SETX: variants seen among roughly 807,000 people sequenced by gnomAD.
SETX encodes senataxin.
In SETX, 90 loss-of-function variants were observed where a neutral mutation model predicts 227.2. That is an observed-to-expected ratio of 0.40 (90% CI 0.33 to 0.47). The LOEUF (loss-of-function observed/expected upper bound fraction) is 0.47. SETX is among the 20% of genes least tolerant of loss of function. The pLI is 0.91. For synonymous variants in SETX, 1,210 were observed against 1,113.2 expected, an observed-to-expected ratio of 1.09 and a Z score of -1.73; for missense variants, 3,052 against 3,181.5, an observed-to-expected ratio of 0.96 and a Z score of 0.98.
rs138506476 is a variant in SETX at position 132,308,243 on chromosome 9, C to T, written c.5374+3514G>A. On this transcript the variant is annotated intron_variant, in intron 11 of 25. Transcript: ENST00000224140. The stretch of plus-strand genomic sequence containing the variant: ...TGCTGCTGATGGAACATACCACCAA[C>T]TATAAAATAGTTTTGCCAAAAACAA... Among the ~76,000 whole-genome samples the T allele has an allele frequency of 2.5e-3, 382 of 152,314 alleles. 9 individuals are homozygous for T. The highest frequency in any genetic ancestry group is 0.022 in the Admixed American group (333 of 15,298).
intron 7 of SETX, among the ~76,000 whole-genome samples, chr9:132,334,072 T>C (rs940832913): frequency 6.6e-6 from 1 of 152,142 alleles, no homozygotes; most frequent in African/African-American, 2.4e-5. Flanking sequence ...GTTCTGATGT[T>C]CATCCTACCA....
chr9:132,325,932 TAAAA>T (rs1305318477), intron 10 of SETX, among the ~76,000 whole-genome samples: 3 of 73,974 alleles, frequency 4.1e-5, no homozygotes, highest in African/African-American at 8.8e-5. Context: ...AAACTCCACC[TAAAA>T]AAAAAAAAAA....
chr9:132,351,128 G>T (rs902535793), intron 2 of SETX, among the ~76,000 whole-genome samples: 1 of 152,146 alleles, frequency 6.6e-6, no homozygotes, highest in African/African-American at 2.4e-5. Flanking sequence ...CACACTACTA[G>T]TAAGTTAACA....
chr9:132,283,172 A>AC lies in SETX; in HGVS notation c.6546+91dup, dbSNP rs2131211959. ...TGAAAATCAGATGCAAAAAAAAAAAACACATTTCCTCAACATTTCAGCAGC... is the reference window on the plus strand; with the variant it reads ...TGAAAATCAGATGCAAAAAAAAAAAACCACATTTCCTCAACATTTCAGCAGC... On this transcript the variant is annotated intron_variant, in intron 19 of 25. Coordinates refer to ENST00000224140, the MANE Select transcript of SETX (RefSeq NM_015046.7). The AC allele has an allele frequency of 2.0e-6, 3 of 1,529,202 alleles. No homozygotes were observed. The South Asian group carries it at 3.5e-5, about 18-fold the overall frequency. The allele number at this position is 1,529,202 out of a possible 1,614,324, so 94.7% of individuals were successfully genotyped here. A position where few individuals can be genotyped will look rare whatever the true frequency, so the allele number is the denominator to read the frequency against.
Position 132,269,804 on chromosome 9 carries a change from CAG to C in SETX, c.7200-104_7200-103del, listed in dbSNP as rs1249133158. 6 of 1,185,110 alleles carry C rather than the reference CAG, an allele frequency of 5.1e-6. No individual in the cohort carries two copies. In the East Asian group the frequency reaches 1.2e-4, roughly 24 times the overall value. 73.4% of individuals were successfully genotyped at this position (1,185,110 alleles called of 1,614,324 possible). Reference sequence around the variant, plus strand: ...AATGACTCAACGTGCCCGTGTCTGACAGAGGTGGAATCTTGAATGACTCAGTG... The same window carrying C: ...AATGACTCAACGTGCCCGTGTCTGACAGGTGGAATCTTGAATGACTCAGTG... On this transcript the variant is annotated intron_variant, in intron 24 of 25. Transcript: ENST00000224140.
Position 132,330,191 on chromosome 9 carries a change from A to G in SETX, c.1407T>C (p.His469=), listed in dbSNP as rs1211497611. 6.3e-7 allele frequency: 1 copy of G among 1,587,166 alleles called. No individual in the cohort carries two copies. Among genetic ancestry groups the G allele is most frequent in the Non-Finnish European group, 8.6e-7 (1 of 1,165,070 alleles). ...LLILVSVIEL[H]RNKKCLHLLW... The stretch of plus-strand genomic sequence containing the variant: ...GCAAATGCAAACATTTTTTATTTCT[A>G]TGCAGTTCAATCACTGATACCAAAA... The change falls in exon 10 of 26, where the codon CAT becomes CAC. Residue 469 remains histidine, a synonymous_variant. Coordinates refer to ENST00000224140, the MANE Select transcript of SETX (RefSeq NM_015046.7).
intron 11 of SETX, among the ~76,000 whole-genome samples, chr9:132,303,018 TTTTGA>T (rs1244201660): frequency 2.0e-5 from 3 of 152,106 alleles, no homozygotes; most frequent in Admixed American, 2.0e-4. Context: ...TTTACATTGT[TTTTGA>T]TTTATTTTTT....
In SETX at chr9:132,271,592, C is replaced by A. The variant is rs1249919923; in HGVS notation, c.7199+118G>T. On this transcript the variant is annotated intron_variant, in intron 24 of 25. Transcript: ENST00000224140. Reference sequence around the variant, plus strand: ...TTTCATAGTATTACACAGGTTTTCACAAAAGAAAATTAAAAAAGCAAATGG... The same window carrying A: ...TTTCATAGTATTACACAGGTTTTCAAAAAAGAAAATTAAAAAAGCAAATGG... 7.9e-6 allele frequency: 7 copies of A among 885,510 alleles called. No individual in the cohort carries two copies. The East Asian group carries it at 1.7e-4, about 22-fold the overall frequency. The allele number at this position is 885,510 out of a possible 1,614,324, so 54.9% of individuals were successfully genotyped here.
At position 132,300,728 on chromosome 9, in the gene SETX, C is replaced by A; in HGVS notation, c.5450G>T (p.Arg1817Ile). 6.2e-7 allele frequency: 1 copy of A among 1,613,602 alleles called. No individual in the cohort carries two copies. The highest frequency in any genetic ancestry group is 1.3e-5 in the African/African-American group (1 of 75,006). Residue 1817 changes from arginine (R) to isoleucine (I), a missense_variant, in exon 12 of 26, where the codon AGA becomes ATA. By Grantham distance (97) the Arg-to-Ile change is moderately conservative. Around this residue, in one of 10 missense-constraint regions of SETX, gnomAD observed 239 missense variants for 272.1 expected, o/e 0.88. Coordinates refer to ENST00000224140, the MANE Select transcript of SETX (RefSeq NM_015046.7). Reference protein sequence around the residue: ...ENDLVFLAPERINEEKKDTER... With the variant: ...ENDLVFLAPEIINEEKKDTER... ...TGTATCTTTCTTCTCTTCATTTATT[C>A]TCTCAGGAGCTAAAAACACCAAATC...
At chr9:132,277,999 G>A in intron 21 of SETX, 71 bp downstream of exon 21, 1 of 1,434,488 alleles carries the variant, frequency 7.0e-7, no homozygotes, top group South Asian at 1.2e-5. Context: ...TAAGACGACA[G>A]TAAAATGTCT....
chr9:132,266,545 G>A (rs1243780825), intron 25 of SETX, among the ~76,000 whole-genome samples: 1 of 152,172 alleles, frequency 6.6e-6, no homozygotes, highest in African/African-American at 2.4e-5. Context: ...GCTGAGGCGG[G>A]CGGATCACCT....
intron 11 of SETX, among the ~76,000 whole-genome samples, chr9:132,304,445 G>A (rs1392261596): frequency 6.6e-6 from 1 of 151,554 alleles, no homozygotes; most frequent in African/African-American, 2.4e-5. Context: ...TTGTAATTGT[G>A]TAAACCATCT....
chr9:132,300,511 A>G (rs981965497), intron 12 of SETX, 119 bp downstream of exon 12: 1 of 1,139,062 alleles, frequency 8.8e-7, no homozygotes, highest in Non-Finnish European at 1.3e-6. Context: ...TGTAATCAAC[A>G]TAGCAAAAAC....
At chr9:132,355,723 A>T (rs890284151), upstream of SETX, among the ~76,000 whole-genome samples, 2 of 151,954 alleles carry the variant, frequency 1.3e-5, no homozygotes, top group African/African-American at 4.8e-5. Flanking sequence ...GCGGTGGCTC[A>T]CGCCTGTAAT....
intron 19 of SETX, 44 bp from the exon 20 acceptor site, chr9:132,281,618 C>A (rs1429473404): frequency 7.5e-7 from 1 of 1,340,802 alleles, no homozygotes; most frequent in Admixed American, 1.7e-5. Flanking sequence ...ACAATCTTTG[C>A]TATTTATCCA....
intron 25 of SETX, 109 bp from the exon 26 acceptor site, chr9:132,265,094 A>T: frequency 5.4e-6 from 7 of 1,291,272 alleles, no homozygotes; most frequent in Non-Finnish European, 7.7e-6. Context: ...TATTGTATGA[A>T]CATATTCTCA....
chr9:132,284,255 CA>C (rs937245190), intron 18 of SETX, among the ~76,000 whole-genome samples: 4 of 152,084 alleles, frequency 2.6e-5, no homozygotes, highest in Non-Finnish European at 5.9e-5. Context: ...TGATGAGCAG[CA>C]AAAAACATCT....
At chr9:132,266,567 T>C (rs1842661897) in intron 25 of SETX, among the ~76,000 whole-genome samples, 1 of 151,844 alleles carries the variant, frequency 6.6e-6, no homozygotes, top group Non-Finnish European at 1.5e-5. Flanking sequence ...AGGTCAGAGG[T>C]TCAAGACGAG....
chr9:132,345,568 C>A (rs1443799089), intron 4 of SETX, among the ~76,000 whole-genome samples: 1 of 152,110 alleles, frequency 6.6e-6, no homozygotes, highest in Non-Finnish European at 1.5e-5. Context: ...GCCACCATGC[C>A]CGGCGAGAAT....
Sources: allele counts gnomAD v4.1 joint callset (sites outside exome capture counted in the v4.1 genomes callset), GRCh38; gene constraint gnomAD v4.1.1; regional missense constraint gnomAD v4.1.1; transcripts MANE v1.5; gene names NCBI Gene and HGNC (gene_info 2026-07-23, HGNC 2026-07-21).